The following ZC3H12B variants were observed in gnomAD, a reference collection of about 807,000 sequenced individuals.
The protein encoded by ZC3H12B is probable ribonuclease ZC3H12B.
ZC3H12B carries 7 observed loss-of-function variants against 43.9 expected under a neutral mutation model. The observed-to-expected ratio is 0.16, with a 90% CI of 0.09 to 0.30. ZC3H12B has a LOEUF of 0.30. ZC3H12B is among the 10% of genes least tolerant of loss of function. The pLI is 1.00. For synonymous variants in ZC3H12B, 222 were observed against 241.7 expected (o/e 0.92, Z 0.76); for missense variants, 475 against 670.2 (o/e 0.71, Z 3.22).
At chrX:65,375,143 A>T (rs765350815) in intron 2 of ZC3H12B, among the ~76,000 whole-genome samples, 1 of 111,699 alleles carries the variant, frequency 9.0e-6, no homozygotes, top group East Asian at 2.8e-4. Flanking sequence ...AGCGGTTGTG[A>T]AACCTTGCGT....
At chrX:65,301,191 T>C in the ZC3H12B span, among the ~76,000 whole-genome samples, 4 of 110,928 alleles carry the variant, frequency 3.6e-5, no homozygotes, top group East Asian at 1.1e-3. Context: ...AAAATACATG[T>C]TGGTGTGGAT....
the ZC3H12B span, among the ~76,000 whole-genome samples, chrX:65,239,440 CCTTT>C: frequency 2.7e-5 from 3 of 109,496 alleles, no homozygotes; most frequent in Non-Finnish European, 5.7e-5. Flanking sequence ...TTCCTCCATC[CCTTT>C]ATTTTGAGTT....
exon 5 of ZC3H12B, chrX:65,506,433 G>A (rs2068426096): frequency 1.8e-5 from 2 of 111,962 alleles, no homozygotes; most frequent in African/African-American, 6.5e-5. Context: ...TTATAAAACA[G>A]CAAATAACAA....
chrX:65,191,541 T>C, the ZC3H12B span, among the ~76,000 whole-genome samples: 2 of 101,853 alleles, frequency 2.0e-5, no homozygotes, highest in Admixed American at 9.9e-5. Context: ...AGTGTATGTG[T>C]CGAGTAATTT....
At chrX:65,114,579 G>C in the ZC3H12B span, among the ~76,000 whole-genome samples, 1 of 110,558 alleles carries the variant, frequency 9.0e-6, no homozygotes, top group East Asian at 2.9e-4. Context: ...AGGTTTTATA[G>C]TCACATCCCG....
the ZC3H12B span, among the ~76,000 whole-genome samples, chrX:65,040,822 T>C: frequency 9.0e-5 from 10 of 111,667 alleles, no homozygotes; most frequent in African/African-American, 3.3e-4. Flanking sequence ...TGTCACTCTG[T>C]TCCCCAGGCT....
intron 3 of ZC3H12B, among the ~76,000 whole-genome samples, chrX:65,434,393 G>A (rs1327173764): frequency 8.9e-6 from 1 of 112,018 alleles, no homozygotes; most frequent in Non-Finnish European, 1.9e-5. Context: ...TAAAACAAGG[G>A]AGATTGGGCA....
chrX:65,276,315 G>T, the ZC3H12B span, among the ~76,000 whole-genome samples: 42 of 111,756 alleles, frequency 3.8e-4, no homozygotes, highest in Admixed American at 2.7e-3. Flanking sequence ...TCTTAGGACA[G>T]ATATGAACAT....
At chrX:65,118,261 T>C in the ZC3H12B span, among the ~76,000 whole-genome samples, 3 of 111,861 alleles carry the variant, frequency 2.7e-5, no homozygotes, top group East Asian at 8.5e-4. Context: ...GTAGTTCTCC[T>C]TGAAGAGGTC....
chrX:65,448,061 T>C (rs2067403332), intron 3 of ZC3H12B, among the ~76,000 whole-genome samples: 1 of 110,036 alleles, frequency 9.1e-6, no homozygotes, highest in African/African-American at 3.3e-5. Context: ...TGAAACCCCG[T>C]CTCTACTAAA....
At chrX:65,351,709 T>C in the ZC3H12B span, among the ~76,000 whole-genome samples, 6 of 112,528 alleles carry the variant, frequency 5.3e-5, no homozygotes, top group Non-Finnish European at 3.8e-5. Context: ...AACAGACGTA[T>C]GAAAAAATGC....
the ZC3H12B span, among the ~76,000 whole-genome samples, chrX:65,174,364 T>G: frequency 8.9e-6 from 1 of 112,395 alleles, no homozygotes; most frequent in Non-Finnish European, 1.9e-5. Flanking sequence ...TTTATCTAAA[T>G]TTCCACTTCC....
At chrX:65,196,858 A>T in the ZC3H12B span, among the ~76,000 whole-genome samples, 1 of 111,829 alleles carries the variant, frequency 8.9e-6, no homozygotes, top group African/African-American at 3.2e-5. Context: ...AGGAAAAAAG[A>T]CAGAGGATAT....
chrX:65,371,929 A>T (rs1259251167), intron 2 of ZC3H12B, among the ~76,000 whole-genome samples: 1 of 111,127 alleles, frequency 9.0e-6, no homozygotes, highest in Non-Finnish European at 1.9e-5. Context: ...TCTTTCACTA[A>T]CCTCCAACCA....
the ZC3H12B span, among the ~76,000 whole-genome samples, chrX:65,252,830 C>T: frequency 8.9e-6 from 1 of 111,871 alleles, no homozygotes; most frequent in South Asian, 3.7e-4. Flanking sequence ...AGTATATGAT[C>T]ATTTACATAA....
the ZC3H12B span, among the ~76,000 whole-genome samples, chrX:65,288,844 T>C: frequency 2.7e-5 from 3 of 111,458 alleles, no homozygotes; most frequent in African/African-American, 9.8e-5. Flanking sequence ...ATTTAGAAAA[T>C]CTGAAGACTT....
At chrX:65,422,549 T>A (rs888085778) in intron 3 of ZC3H12B, among the ~76,000 whole-genome samples, 1 of 109,624 alleles carries the variant, frequency 9.1e-6, no homozygotes, top group Non-Finnish European at 1.9e-5. Context: ...TTTTTTTTTT[T>A]ATTATACTTT....
At chrX:65,090,322 G>A in the ZC3H12B span, among the ~76,000 whole-genome samples, 1 of 111,257 alleles carries the variant, frequency 9.0e-6, no homozygotes, top group South Asian at 3.8e-4. Flanking sequence ...TTGTTGTGTG[G>A]TACATGGCTG....
At chrX:65,287,249 C>G in the ZC3H12B span, among the ~76,000 whole-genome samples, 1 of 111,474 alleles carries the variant, frequency 9.0e-6, no homozygotes, top group African/African-American at 3.3e-5. Flanking sequence ...TGTTTATCAG[C>G]ACATGGAACA....
Sources: allele counts gnomAD v4.1 joint callset (sites outside exome capture counted in the v4.1 genomes callset), GRCh38; gene constraint gnomAD v4.1.1; transcripts MANE v1.5; gene names NCBI Gene and HGNC (gene_info 2026-07-23, HGNC 2026-07-21).